Variants in PCDHA3 observed in about 807,000 individuals in gnomAD.
PCDHA3 encodes the protein protocadherin alpha-3.
In PCDHA3, 41 loss-of-function variants were observed where a neutral mutation model predicts 62.2. The observed-to-expected ratio is 0.66, with a 90% confidence interval of 0.51 to 0.86. The LOEUF is 0.86. PCDHA3 is among the 40% of genes least tolerant of loss of function. The probability of loss-of-function intolerance (pLI) is 0.00; values close to 1 mark genes in which losing one functional copy is unlikely to be tolerated. For missense variants in PCDHA3, 1,304 were observed against 1,241.2 expected (o/e 1.05, Z -0.76); for synonymous variants, 640 against 555.4 (o/e 1.15, Z -2.14).
Position 140,802,094 on chromosome 5 carries a change from T to C in PCDHA3, c.897T>C (p.Asn299=). 1.2e-6 allele frequency: 2 copies of C among 1,614,186 alleles called. No individual in the cohort carries two copies. Among genetic ancestry groups the C allele is most frequent in the Middle Eastern group, 3.3e-4 (2 of 6,062 alleles). ...ILSKFHLDPV[N]GQISVKGNID... is the part of the protein sequence containing the mutation. ...CAAAATTCCATTTAGATCCAGTCAA[T>C]GGACAAATCAGTGTAAAGGGTAACA... The change falls in exon 1 of 4, where the codon AAT becomes AAC. Residue 299 remains asparagine (N), a synonymous_variant. Coordinates refer to ENST00000522353, the MANE Select transcript of PCDHA3 (RefSeq NM_018906.3).
chr5:140,876,883 G>T (rs192756440), intron 1 of PCDHA3: 45 of 1,614,016 alleles, frequency 2.8e-5, no homozygotes, highest in Non-Finnish European at 3.6e-5. Context: ...CAACCCGCCG[G>T]GCTGCCACAT....
intron 1 of PCDHA3, chr5:140,823,283 T>C: frequency 6.2e-7 from 1 of 1,612,304 alleles, no homozygotes; most frequent in Middle Eastern, 2.0e-4. Flanking sequence ...GAGCGCCCGC[T>C]GTCGAGTTAC....
At position 140,803,087 on chromosome 5, in the gene PCDHA3, G is replaced by A; in HGVS notation, c.1890G>A (p.Glu630=). 6.2e-7 allele frequency: 1 copy of A among 1,613,906 alleles called. No homozygotes were observed. Among genetic ancestry groups the A allele is most frequent in the Non-Finnish European group, 8.5e-7 (1 of 1,179,956 alleles). ...IPFRVGLYTG[E]ISTTRALDEV... ...TTCGCGTGGGGCTGTACACGGGAGA[G>A]ATCAGCACGACCCGTGCCCTGGACG... Residue 630 remains glutamate (E), a synonymous_variant, in exon 1 of 4, where the codon GAG becomes GAA. Coordinates refer to ENST00000522353, the MANE Select transcript of PCDHA3 (RefSeq NM_018906.3).
intron 1 of PCDHA3, 92 bp downstream of exon 1, chr5:140,803,683 T>C (rs560789364): frequency 1.8e-5 from 29 of 1,569,230 alleles, no homozygotes; most frequent in Middle Eastern, 1.8e-4. Context: ...TAGTTAAGTA[T>C]GAATTATGTG....
chr5:141,008,540 T>C (rs1435875214), intron 3 of PCDHA3, among the ~76,000 whole-genome samples: 2 of 152,190 alleles, frequency 1.3e-5, no homozygotes, highest in African/African-American at 4.8e-5. Context: ...ATGTCTTTTA[T>C]TGAAAACTCC....
At chr5:140,957,373 T>G (rs906109440) in intron 1 of PCDHA3, among the ~76,000 whole-genome samples, 1 of 152,192 alleles carries the variant, frequency 6.6e-6, no homozygotes, top group Non-Finnish European at 1.5e-5. Flanking sequence ...ACTTTTATTA[T>G]AGTGTATTGT....
At chr5:140,966,998 C>A in intron 1 of PCDHA3, 1 of 1,604,774 alleles carries the variant, frequency 6.2e-7, no homozygotes, top group Non-Finnish European at 8.5e-7. Flanking sequence ...GGGTTGCTTG[C>A]GCATCAACCA....
intron 1 of PCDHA3, among the ~76,000 whole-genome samples, chr5:140,904,645 T>A (rs1554191647): frequency 6.6e-6 from 1 of 152,128 alleles, no homozygotes; most frequent in Non-Finnish European, 1.5e-5. Context: ...CTCCACACTG[T>A]TTTCCATAGT....
chr5:140,893,778 A>G (rs1017243223), intron 1 of PCDHA3, among the ~76,000 whole-genome samples: 2 of 151,936 alleles, frequency 1.3e-5, no homozygotes, highest in South Asian at 4.2e-4. Flanking sequence ...CTTTTCTTTT[A>G]CCGTTTTTAG....
intron 3 of PCDHA3, among the ~76,000 whole-genome samples, chr5:140,997,720 G>A (rs973128921): frequency 3.3e-5 from 5 of 151,568 alleles, no homozygotes; most frequent in East Asian, 1.9e-4. Context: ...ACCTTTCTAC[G>A]TCAGTACATA....
At position 140,836,012 on chromosome 5, in the gene PCDHA3, G is replaced by A. The variant is rs2150250608; in HGVS notation, c.2394+32421G>A. ...TGAGCGCGCGCGATGCGGGCGTGCC[G>A]CCTCTGGGCAGCAACGTGACGCTGC... On this transcript the variant is annotated intron_variant, in intron 1 of 3. Coordinates refer to ENST00000522353, the MANE Select transcript of PCDHA3 (RefSeq NM_018906.3). 1.8e-5 allele frequency: 29 copies of A among 1,613,192 alleles called. No individual in the cohort carries two copies. In the Admixed American group the frequency reaches 4.3e-4, roughly 24 times the overall value.
At chr5:140,874,970 G>A (rs186825854) in intron 1 of PCDHA3, among the ~76,000 whole-genome samples, 1 of 152,280 alleles carries the variant, frequency 6.6e-6, no homozygotes, top group Admixed American at 6.5e-5. Flanking sequence ...AAGGGGAGGG[G>A]TGCTGTATAT....
rs372699466 is a variant in PCDHA3, at chr5:140,807,817, A to C, written c.2394+4226A>C. On this transcript the variant is annotated intron_variant, in intron 1 of 3. Transcript: ENST00000522353. ...GAGAAGAAGCTCCGGAGATTTTTTT[A>C]GTGCTCACAGCCACTGATGGAGGCA... The C allele has an allele frequency of 1.3e-4, 210 of 1,614,050 alleles. No homozygotes were observed. The highest frequency in any genetic ancestry group is 1.7e-4 in the Non-Finnish European group (201 of 1,180,040).
chr5:140,824,610 G>GTTGTTTTTTTTTTTT lies in PCDHA3; in HGVS notation c.2394+21021_2394+21022insGTTTTTTTTTTTTTT, dbSNP rs1768193318. The GTTGTTTTTTTTTTTT allele has an allele frequency of 3.2e-5, 3 of 95,104 alleles. 1 individual carries two copies. The highest frequency in any genetic ancestry group is 1.5e-4 in the African/African-American group (3 of 20,556). The allele number at this position is 95,104 out of a possible 1,614,324, so 5.9% of individuals were successfully genotyped here. A position where few individuals can be genotyped will look rare whatever the true frequency, so the allele number is the denominator to read the frequency against. On this transcript the variant is annotated intron_variant, in intron 1 of 3. Coordinates refer to ENST00000522353, the MANE Select transcript of PCDHA3 (RefSeq NM_018906.3). ...GGACTACATGCACATGCTAATTAAAGTTTTTTTTTTTTTTTTTTTTTTATT... is the reference window on the plus strand; with the variant it reads ...GGACTACATGCACATGCTAATTAAAGTTGTTTTTTTTTTTTTTTTTTTTTTTTTTTTTTTTTTATT...
intron 1 of PCDHA3, chr5:140,854,002 A>G: frequency 2.5e-6 from 1 of 395,852 alleles, no homozygotes; most frequent in Non-Finnish European, 3.5e-6. Flanking sequence ...ATCTCTGCCA[A>G]AAAAAAAAAA....
At chr5:140,941,217 T>TCCTTTCTTTCTTTCTTTCTTTCTG (rs2092892388) in intron 1 of PCDHA3, among the ~76,000 whole-genome samples, 1 of 126,078 alleles carries the variant, frequency 7.9e-6, no homozygotes, top group Non-Finnish European at 1.7e-5. Context: ...CTTTCTTCCT[T>TCCTTTCTTTCTTTCTTTCTTTCTG]TCTTTCTTTC....
intron 1 of PCDHA3, among the ~76,000 whole-genome samples, chr5:140,844,193 C>T (rs2150369320): frequency 6.7e-6 from 1 of 149,658 alleles, no homozygotes; most frequent in Admixed American, 6.7e-5. Flanking sequence ...TCTTATCTGA[C>T]TTTTTAGTGT....
intron 1 of PCDHA3, chr5:140,869,913 C>G: frequency 6.2e-7 from 1 of 1,610,754 alleles, no homozygotes; most frequent in Non-Finnish European, 8.5e-7. Flanking sequence ...CAGACCGAGA[C>G]GAAGGAGTCA....
intron 1 of PCDHA3, among the ~76,000 whole-genome samples, chr5:140,975,946 A>T (rs989122714): frequency 6.6e-6 from 1 of 152,210 alleles, no homozygotes; most frequent in Non-Finnish European, 1.5e-5. Context: ...AATAGGACAT[A>T]TTAGAGTTCT....
Sources: allele counts gnomAD v4.1 joint callset (sites outside exome capture counted in the v4.1 genomes callset), GRCh38; gene constraint gnomAD v4.1.1; transcripts MANE v1.5; gene names NCBI Gene and HGNC (gene_info 2026-07-23, HGNC 2026-07-21).